The following ARK2N variants were observed in gnomAD, a reference collection of about 807,000 sequenced individuals.
ARK2N encodes the protein arkadia (RNF111) N-terminal like PKA signaling regulator 2N.
the ARK2N span, among the ~76,000 whole-genome samples, chr18:46,252,462 A>T: frequency 2.0e-5 from 3 of 151,932 alleles, no homozygotes; most frequent in African/African-American, 7.3e-5. Context: ...TTTAGTAGAG[A>T]TGGGGTTTCA....
the ARK2N span, among the ~76,000 whole-genome samples, chr18:46,180,493 A>C: frequency 6.6e-6 from 1 of 151,838 alleles, no homozygotes; most frequent in African/African-American, 2.4e-5. Context: ...GATCACCTGA[A>C]GTTCGGAGTT....
At chr18:46,256,666 G>A in the ARK2N span, among the ~76,000 whole-genome samples, 1 of 152,190 alleles carries the variant, frequency 6.6e-6, no homozygotes, top group Non-Finnish European at 1.5e-5. Context: ...ATCGTATCTT[G>A]TAGGTGACAT....
chr18:46,225,455 G>A, the ARK2N span, among the ~76,000 whole-genome samples: 1 of 151,938 alleles, frequency 6.6e-6, no homozygotes, highest in Admixed American at 6.5e-5. Context: ...AGTTTCTTTT[G>A]ATGATGTTGC....
the ARK2N span, chr18:46,253,577 C>A: frequency 1.0e-5 from 13 of 1,291,310 alleles, no homozygotes; most frequent in Non-Finnish European, 1.4e-5. Context: ...GGCAAGCTCT[C>A]ACAGGGTGAT....
chr18:46,205,349 A>G, the ARK2N span, among the ~76,000 whole-genome samples: 2 of 152,204 alleles, frequency 1.3e-5, no homozygotes, highest in African/African-American at 4.8e-5. Context: ...ATGCATTGCT[A>G]TGTCTAAATC....
chr18:46,233,344 CTGTA>C, the ARK2N span, among the ~76,000 whole-genome samples: 3 of 152,126 alleles, frequency 2.0e-5, no homozygotes, highest in African/African-American at 7.2e-5. Flanking sequence ...CTCTTTCTTG[CTGTA>C]TGTAGTACAG....
chr18:46,261,905 A>C, the ARK2N span, among the ~76,000 whole-genome samples: 1 of 152,094 alleles, frequency 6.6e-6, no homozygotes, highest in Non-Finnish European at 1.5e-5. Context: ...TGTTCTTTTG[A>C]ATCTGGTGGT....
chr18:46,178,438 G>T, the ARK2N span, among the ~76,000 whole-genome samples: 1 of 152,062 alleles, frequency 6.6e-6, no homozygotes, highest in East Asian at 1.9e-4. Context: ...TCAGCCTCCC[G>T]AGTAGTTGGG....
the ARK2N span, among the ~76,000 whole-genome samples, chr18:46,200,459 C>T: frequency 1.3e-5 from 2 of 152,128 alleles, no homozygotes; most frequent in Non-Finnish European, 2.9e-5. Context: ...AGGCACGTGC[C>T]ACCACGCCCA....
At chr18:46,210,910 T>TAA in the ARK2N span, among the ~76,000 whole-genome samples, 1,771 of 133,788 alleles carry the variant, frequency 0.013, 38 homozygotes, top group African/African-American at 0.039. Flanking sequence ...GACCCTGTCT[T>TAA]AAAAAAAAAA....
chr18:46,264,391 G>A, the ARK2N span: 2 of 152,592 alleles, frequency 1.3e-5, no homozygotes, highest in African/African-American at 4.8e-5. Flanking sequence ...TCTGCACAGG[G>A]GGAGTGAAGT....
chr18:46,194,818 T>A, the ARK2N span, among the ~76,000 whole-genome samples: 21 of 150,676 alleles, frequency 1.4e-4, no homozygotes, highest in Admixed American at 8.6e-4. Context: ...TTTTTTTTTT[T>A]TTTGAGATAG....
the ARK2N span, among the ~76,000 whole-genome samples, chr18:46,202,986 C>T: frequency 1.3e-5 from 2 of 152,078 alleles, no homozygotes; most frequent in Admixed American, 6.6e-5. Flanking sequence ...AAAAAACCAA[C>T]CATGCTAGTG....
the ARK2N span, among the ~76,000 whole-genome samples, chr18:46,251,847 ACTGT>A: frequency 0.011 from 1,742 of 152,260 alleles, 61 homozygotes; most frequent in East Asian, 0.12. Context: ...TTGGTTTGAG[ACTGT>A]CTGTAGCTTC....
the ARK2N span, among the ~76,000 whole-genome samples, chr18:46,238,963 G>A: frequency 1.3e-5 from 2 of 151,970 alleles, no homozygotes; most frequent in Non-Finnish European, 2.9e-5. Flanking sequence ...GTTTGCTTGC[G>A]CTTCATAAAT....
chr18:46,181,961 A>G, the ARK2N span, among the ~76,000 whole-genome samples: 1 of 152,150 alleles, frequency 6.6e-6, no homozygotes, highest in Non-Finnish European at 1.5e-5. Flanking sequence ...ATACTGACCA[A>G]AGTGACCAGT....
At chr18:46,264,852 T>C in the ARK2N span, 2 of 152,280 alleles carry the variant, frequency 1.3e-5, no homozygotes, top group African/African-American at 2.4e-5. Context: ...TTTGATCTTC[T>C]CTGATAGCAT....
At chr18:46,238,440 C>G in the ARK2N span, among the ~76,000 whole-genome samples, 2 of 152,100 alleles carry the variant, frequency 1.3e-5, no homozygotes, top group Non-Finnish European at 2.9e-5. Context: ...TTGCAGCTTT[C>G]TTTTCTTTTT....
At chr18:46,220,858 G>A in the ARK2N span, among the ~76,000 whole-genome samples, 4 of 152,166 alleles carry the variant, frequency 2.6e-5, no homozygotes, top group African/African-American at 7.2e-5. Flanking sequence ...TAATTAAGCT[G>A]AGTGCGATGG....
Sources: gnomAD v4.1 joint callset for allele counts (sites outside exome capture counted in the v4.1 genomes callset) on GRCh38, gnomAD v4.1.1 for gene constraint, MANE v1.5 for transcripts, NCBI Gene and HGNC (gene_info 2026-07-23, HGNC 2026-07-21) for gene names.